The following MAN2A1 variants were observed in gnomAD, a reference collection of about 807,000 sequenced individuals.
The protein encoded by MAN2A1 is alpha-mannosidase 2.
Under a neutral mutation model 142.6 loss-of-function variants are expected in MAN2A1, and 76 were observed. The ratio of observed to expected loss-of-function variants is 0.53; its 90% confidence interval spans 0.44 to 0.65. The LOEUF (loss-of-function observed/expected upper bound fraction) is 0.65. Ranked by LOEUF, MAN2A1 falls within the 30% of genes least tolerant of loss-of-function variation. The pLI, the probability that MAN2A1 is intolerant of heterozygous loss-of-function variation, is 0.00. For missense variants in MAN2A1, 1,311 were observed against 1,365.1 expected (o/e 0.96, Z 0.62); for synonymous variants, 559 against 473.2 (o/e 1.18, Z -2.35).
chr5:109,695,661 T>C (rs1213375735), intron 1 of MAN2A1, among the ~76,000 whole-genome samples: 1 of 152,202 alleles, frequency 6.6e-6, no homozygotes, highest in Non-Finnish European at 1.5e-5. Context: ...AAAGGCCTTA[T>C]TGCATTTTTT....
intron 12 of MAN2A1, among the ~76,000 whole-genome samples, chr5:109,801,860 GA>G (rs1423538556): frequency 6.6e-6 from 1 of 152,062 alleles, no homozygotes; most frequent in Admixed American, 6.5e-5. Flanking sequence ...AATTTAAAGA[GA>G]TAAAGAAAAG....
intron 4 of MAN2A1, among the ~76,000 whole-genome samples, chr5:109,734,718 G>T (rs956538834): frequency 6.6e-5 from 10 of 152,150 alleles, no homozygotes; most frequent in African/African-American, 2.4e-4. Context: ...TAGTTTGATT[G>T]CACTGTGGTC....
intron 20 of MAN2A1, chr5:109,864,581 G>A (rs1230826415): frequency 6.5e-6 from 1 of 153,046 alleles, no homozygotes; most frequent in Non-Finnish European, 1.5e-5. Context: ...AAAAATTAAT[G>A]TTCAATAAAG....
In MAN2A1 at chr5:109,740,266, A is replaced by G. The variant is rs554950702; in HGVS notation, c.707+10753A>G. 3.9e-5 allele frequency among the ~76,000 whole-genome samples: 6 copies of G among 152,324 alleles called. No homozygotes were observed. In the East Asian group the frequency reaches 9.6e-4, roughly 24 times the overall value. On this transcript the variant is annotated intron_variant, in intron 4 of 21. Coordinates refer to ENST00000261483, the MANE Select transcript of MAN2A1 (RefSeq NM_002372.4). ...GTTGGGGAAGGTGTCCTGGTTGTAAATAGGACAGAGTGAGAGAAGAGAGGA... is the reference window on the plus strand; with the variant it reads ...GTTGGGGAAGGTGTCCTGGTTGTAAGTAGGACAGAGTGAGAGAAGAGAGGA...
chr5:109,784,810 C>T lies in MAN2A1; in HGVS notation c.1644C>T (p.Leu548=), dbSNP rs761027454. 2.5e-6 allele frequency: 4 copies of T among 1,611,746 alleles called. No homozygotes were observed. The South Asian group carries it at 4.4e-5, about 18-fold the overall frequency. ...QAHKYKINKF[L]SSSLYTALTE... is the part of the protein sequence containing the mutation. ...ACAAATACAAGATAAATAAATTTCT[C>T]TCATCATCACTTTACACGGCACTGA... Residue 548 remains leucine (L), a synonymous_variant, in exon 10 of 22, where the codon CTC becomes CTT. Coordinates refer to ENST00000261483, the MANE Select transcript of MAN2A1 (RefSeq NM_002372.4).
At chr5:109,860,510 G>A (rs758157825) in intron 20 of MAN2A1, among the ~76,000 whole-genome samples, 15 of 152,264 alleles carry the variant, frequency 9.9e-5, no homozygotes, top group South Asian at 2.1e-4. Context: ...CTTACTAACC[G>A]TGTGAAGAGG....
Position 109,716,280 on chromosome 5 carries a change from CA to C in MAN2A1, c.535+21del. On this transcript the variant is annotated intron_variant, in intron 3 of 21. Coordinates refer to ENST00000261483, the MANE Select transcript of MAN2A1 (RefSeq NM_002372.4). ...AACGACCCAGGTAAAATTTGCACTTCAAAAAGACAGGAGGTTATTAAGTTTC... is the reference window on the plus strand; with the variant it reads ...AACGACCCAGGTAAAATTTGCACTTCAAAAGACAGGAGGTTATTAAGTTTC... 5 of 1,591,068 alleles carry C rather than the reference CA, an allele frequency of 3.1e-6. No individual in the cohort carries two copies. Among genetic ancestry groups the C allele is most frequent in the Non-Finnish European group, 4.3e-6 (5 of 1,169,166 alleles).
At chr5:109,776,736 A>T (rs577862943) in intron 8 of MAN2A1, among the ~76,000 whole-genome samples, 1 of 152,246 alleles carries the variant, frequency 6.6e-6, no homozygotes, top group South Asian at 2.1e-4. Context: ...ATTGTCCCTC[A>T]GATCTCTTTC....
chr5:109,690,163 C>T lies in MAN2A1; in HGVS notation c.-255C>T. 2.2e-6 allele frequency: 1 copy of T among 452,464 alleles called. No individual in the cohort carries two copies. The highest frequency in any genetic ancestry group is 4.0e-6 in the Non-Finnish European group (1 of 248,342). The allele number at this position is 452,464 out of a possible 1,614,324, so 28.0% of individuals were successfully genotyped here. A position where few individuals can be genotyped will look rare whatever the true frequency, so the allele number is the denominator to read the frequency against. ...ATCAAGTTTGTGGGGGCCCCCCTTC[C>T]CAGTTGCCGGCGAGTCTCGCCTCGA... On this transcript the variant is annotated 5_prime_UTR_variant, in exon 1 of 22. Coordinates refer to ENST00000261483, the MANE Select transcript of MAN2A1 (RefSeq NM_002372.4).
chr5:109,825,829 T>A (rs892403800), intron 16 of MAN2A1, among the ~76,000 whole-genome samples: 4 of 152,008 alleles, frequency 2.6e-5, no homozygotes. Flanking sequence ...TGTAGCCCAT[T>A]TCTATTTGCT....
intron 11 of MAN2A1, 125 bp from the exon 12 acceptor site, chr5:109,789,313 TGGCTTTAATTAGAAACCCCTTG>T (rs2112678575): frequency 1.8e-6 from 1 of 549,168 alleles, no homozygotes; most frequent in African/African-American, 2.0e-5. Flanking sequence ...TTGTTTTGCT[TGGCTTTAATTAGAAACCCCTTG>T]ATATTTAACT....
chr5:109,710,671 ATTTTTATT>A (rs1751274607), intron 1 of MAN2A1, among the ~76,000 whole-genome samples: 1 of 151,310 alleles, frequency 6.6e-6, no homozygotes, highest in South Asian at 2.1e-4. Flanking sequence ...CACCCAGCTA[ATTTTTATT>A]TTTTTATTAT....
intron 15 of MAN2A1, among the ~76,000 whole-genome samples, chr5:109,823,432 T>G (rs1754679568): frequency 6.6e-6 from 1 of 152,082 alleles, no homozygotes; most frequent in Admixed American, 6.5e-5. Context: ...TAAGTAACTA[T>G]ATGGACAAAT....
chr5:109,721,856 T>C (rs1333785952), intron 3 of MAN2A1, among the ~76,000 whole-genome samples: 2 of 152,210 alleles, frequency 1.3e-5, no homozygotes, highest in Non-Finnish European at 2.9e-5. Context: ...AGTGCCCTGG[T>C]AATACAAATA....
At chr5:109,751,288 A>G (rs919399254) in intron 4 of MAN2A1, among the ~76,000 whole-genome samples, 1 of 152,020 alleles carries the variant, frequency 6.6e-6, no homozygotes, top group South Asian at 2.1e-4. Context: ...GCTTAATAGA[A>G]TGACCTCCAG....
At chr5:109,719,116 A>G (rs1751534294) in intron 3 of MAN2A1, among the ~76,000 whole-genome samples, 1 of 152,098 alleles carries the variant, frequency 6.6e-6, no homozygotes, top group Admixed American at 6.5e-5. Context: ...ATTCCTGCTT[A>G]GTTAGTAGGT....
intron 4 of MAN2A1, among the ~76,000 whole-genome samples, chr5:109,753,590 T>C (rs1419984293): frequency 6.6e-6 from 1 of 152,226 alleles, no homozygotes; most frequent in Non-Finnish European, 1.5e-5. Flanking sequence ...GATTGTTTTT[T>C]AGAAATTACG....
At chr5:109,808,125 G>T (rs575588788) in intron 12 of MAN2A1, among the ~76,000 whole-genome samples, 32 of 152,260 alleles carry the variant, frequency 2.1e-4, no homozygotes, top group Non-Finnish European at 4.0e-4. Flanking sequence ...ACTTTACTGT[G>T]TAGCGTCTAG....
At chr5:109,862,803 T>C (rs930861768) in intron 20 of MAN2A1, 3 of 152,240 alleles carry the variant, frequency 2.0e-5, no homozygotes, top group Non-Finnish European at 4.4e-5. Flanking sequence ...TATTTGATTT[T>C]TTAAAAACTT....
Sources: allele counts gnomAD v4.1 joint callset (sites outside exome capture counted in the v4.1 genomes callset), GRCh38; gene constraint gnomAD v4.1.1; transcripts MANE v1.5; gene names NCBI Gene and HGNC (gene_info 2026-07-23, HGNC 2026-07-21).